The following KCNQ1OT1 variants were observed in gnomAD, a reference collection of about 807,000 sequenced individuals.
KCNQ1OT1 encodes the protein KCNQ1 opposite strand/antisense transcript 1.
chr11:2,694,648 C>A (rs1019061705), exon 1 of KCNQ1OT1: 2 of 398,518 alleles, frequency 5.0e-6, no homozygotes, highest in Non-Finnish European at 4.4e-6. Context: ...AAATCTGTGA[C>A]ACACCCACCA....
In KCNQ1OT1 at chr11:2,663,975, C is replaced by T. The variant is rs1850016706; in HGVS notation, n.36020G>A. 2.5e-6 allele frequency: 1 copy of T among 398,706 alleles called. No individual in the cohort carries two copies. The highest frequency in any genetic ancestry group is 4.4e-6 in the Non-Finnish European group (1 of 226,122). The allele number at this position is 398,706 out of a possible 1,614,324, so 24.7% of individuals were successfully genotyped here. A position where few individuals can be genotyped will look rare whatever the true frequency, so the allele number is the denominator to read the frequency against. On this transcript the variant is annotated non_coding_transcript_exon_variant, in exon 1 of 1. Transcript: ENST00000597346. This position sits in a 1 kb window ranked among gnomAD's most constrained non-coding sequence, Gnocchi z 5.2. ...GGCCTGAGAGACCTGAACATCCATC[C>T]CCAAGCTCTCTGCCCACTTTGGGTC...
chr11:2,671,766 C>T lies in KCNQ1OT1; in HGVS notation n.28229G>A. ...GGAGCTACATACACATACATGCATG[C>T]ACATAATCATTCTGACCCAGTCAGG... On this transcript the variant is annotated non_coding_transcript_exon_variant, in exon 1 of 1. Transcript: ENST00000597346. This position sits in a 1 kb window ranked among gnomAD's most constrained non-coding sequence, Gnocchi z 4.7. The T allele has an allele frequency of 2.5e-6, 1 of 398,724 alleles. No homozygotes were observed. Among genetic ancestry groups the T allele is most frequent in the Non-Finnish European group, 4.4e-6 (1 of 226,144 alleles). 24.7% of individuals were successfully genotyped at this position (398,724 alleles called of 1,614,324 possible).
exon 1 of KCNQ1OT1, chr11:2,609,819 CTTTATTA>C (rs1298043702): frequency 2.5e-6 from 1 of 397,956 alleles, no homozygotes; most frequent in Non-Finnish European, 4.4e-6. Context: ...TCTCCTTTGA[CTTTATTA>C]TAGCACTTCA....
chr11:2,688,027 G>A (rs1850521382), exon 1 of KCNQ1OT1: 1 of 398,720 alleles, frequency 2.5e-6, no homozygotes, highest in Non-Finnish European at 4.4e-6. Context: ...TCTAGGCTTG[G>A]GCAGGCACAC....
At chr11:2,636,472 T>C (rs1455754125) in exon 1 of KCNQ1OT1, 1 of 152,258 alleles carries the variant, frequency 6.6e-6, no homozygotes, top group Non-Finnish European at 1.5e-5. Flanking sequence ...GTTCTGTTTA[T>C]ATGCTGGATA....
exon 1 of KCNQ1OT1, chr11:2,689,632 C>G (rs1590034344): frequency 2.5e-6 from 1 of 398,686 alleles, no homozygotes; most frequent in East Asian, 3.6e-5. Context: ...ACAAAACAAG[C>G]CAGCAGGTGC....
exon 1 of KCNQ1OT1, chr11:2,632,217 A>G: frequency 2.5e-6 from 1 of 397,972 alleles, no homozygotes; most frequent in Non-Finnish European, 4.4e-6. Flanking sequence ...ATGCAACTGA[A>G]TTTTGTGTAC....
At position 2,621,555 on chromosome 11, in the gene KCNQ1OT1, T is replaced by G. The variant is rs951330797; in HGVS notation, n.78440A>C. The G allele has an allele frequency of 7.5e-6, 3 of 398,404 alleles. No homozygotes were observed. The highest frequency in any genetic ancestry group is 6.2e-5 in the African/African-American group (3 of 48,622). The allele number at this position is 398,404 out of a possible 1,614,324, so 24.7% of individuals were successfully genotyped here. On this transcript the variant is annotated non_coding_transcript_exon_variant, in exon 1 of 1. Transcript: ENST00000597346. The surrounding 1 kb of genome is among the most constrained non-coding windows in gnomAD (Gnocchi z 5.7). ...ATGCAGAAGCTCTTTAGTTTACCACTGTGATCTCTTTGCTATTGGTCTGTT... is the reference window on the plus strand; with the variant it reads ...ATGCAGAAGCTCTTTAGTTTACCACGGTGATCTCTTTGCTATTGGTCTGTT...
exon 1 of KCNQ1OT1, chr11:2,648,131 G>A (rs2133838734): frequency 5.2e-6 from 2 of 382,806 alleles, no homozygotes; most frequent in East Asian, 7.4e-5. Context: ...CTTGAGCCCA[G>A]GAAGCAGAGG....
chr11:2,631,376 C>G (rs1849350139), exon 1 of KCNQ1OT1: 1 of 398,222 alleles, frequency 2.5e-6, no homozygotes. Flanking sequence ...CTGATGCTTT[C>G]TATTTCACTT....
In KCNQ1OT1 at chr11:2,678,525, A is replaced by G; in HGVS notation, n.21470T>C. ...TTCTAGACTCTATTCTGGACTGCTG[A>G]TGGGCCTGTTGATAGGCCAGAGCTC... On this transcript the variant is annotated non_coding_transcript_exon_variant, in exon 1 of 1. Coordinates refer to ENST00000597346, the Ensembl canonical transcript of KCNQ1OT1. The surrounding 1 kb of genome is among the most constrained non-coding windows in gnomAD (Gnocchi z 4.9). 1 of 398,598 alleles carries G rather than the reference A, an allele frequency of 2.5e-6. No homozygotes were observed. The highest frequency in any genetic ancestry group is 4.4e-6 in the Non-Finnish European group (1 of 226,066). The allele number at this position is 398,598 out of a possible 1,614,324, so 24.7% of individuals were successfully genotyped here.
chr11:2,683,873 C>T lies in KCNQ1OT1; in HGVS notation n.16122G>A, dbSNP rs1590030208. Reference sequence around the variant, plus strand: ...GCCCCACACTCACTGCTACATCTCTCTTCCAAATCATAAATGCAAAAGATG... The same window carrying T: ...GCCCCACACTCACTGCTACATCTCTTTTCCAAATCATAAATGCAAAAGATG... On this transcript the variant is annotated non_coding_transcript_exon_variant, in exon 1 of 1. Transcript: ENST00000597346. The surrounding 1 kb of genome is among the most constrained non-coding windows in gnomAD (Gnocchi z 4.7). 2.5e-6 allele frequency: 1 copy of T among 398,614 alleles called. No homozygotes were observed. Among genetic ancestry groups the T allele is most frequent in the South Asian group, 1.3e-4 (1 of 7,850 alleles). The allele number at this position is 398,614 out of a possible 1,614,324, so 24.7% of individuals were successfully genotyped here.
chr11:2,640,350 C>T, exon 1 of KCNQ1OT1: 1 of 398,600 alleles, frequency 2.5e-6, no homozygotes, highest in Non-Finnish European at 4.4e-6. Context: ...ATCTTGGAAC[C>T]ACCCCACTTA....
exon 1 of KCNQ1OT1, chr11:2,684,031 T>G (rs757900181): frequency 3.3e-5 from 13 of 398,470 alleles, no homozygotes; most frequent in Non-Finnish European, 4.4e-5. Flanking sequence ...TCAGCTAACT[T>G]CATCCTCCCC....
At chr11:2,632,528 A>G (rs1849377777) in exon 1 of KCNQ1OT1, 1 of 398,204 alleles carries the variant, frequency 2.5e-6, no homozygotes, top group Non-Finnish European at 4.4e-6. Flanking sequence ...TTGTCCTTTT[A>G]TTTTTAGTCA....
At chr11:2,686,931 G>A (rs1179412944) in exon 1 of KCNQ1OT1, 10 of 398,532 alleles carry the variant, frequency 2.5e-5, no homozygotes, top group Non-Finnish European at 4.0e-5. Context: ...GCAGGTCTCC[G>A]TGATGCGGAG....
exon 1 of KCNQ1OT1, chr11:2,644,045 G>A (rs906608626): frequency 2.5e-6 from 1 of 398,518 alleles, no homozygotes; most frequent in Non-Finnish European, 4.4e-6. Context: ...TTTGTCTTGG[G>A]ATGGGCAATT....
chr11:2,699,643 C>CAGCGCCGAAGAACCCCCGGGGAG (rs1850751033), exon 1 of KCNQ1OT1: 1 of 364,698 alleles, frequency 2.7e-6, no homozygotes, highest in Non-Finnish European at 4.8e-6. Context: ...CCCCCGGGGA[C>CAGCGCCGAAGAACCCCCGGGGAG]AACCGCGCCG....
At chr11:2,694,914 G>T in exon 1 of KCNQ1OT1, 1 of 398,706 alleles carries the variant, frequency 2.5e-6, no homozygotes, top group South Asian at 1.3e-4. Flanking sequence ...GAAAAGACAA[G>T]CCAGGCAGAG....
Sources: allele counts gnomAD v4.1 joint callset, GRCh38; gene constraint gnomAD v4.1.1; non-coding constraint Gnocchi (gnomAD v3.1); transcripts MANE v1.5; gene names NCBI Gene and HGNC (gene_info 2026-07-23, HGNC 2026-07-21).